The following EPB41L3 variants were observed in gnomAD, a reference collection of about 807,000 sequenced individuals.
The protein encoded by EPB41L3 is erythrocyte membrane protein band 4.1 like 3.
In EPB41L3, 57 loss-of-function variants were observed where a neutral mutation model predicts 127.1. The ratio of observed to expected loss-of-function variants is 0.45; its 90% confidence interval spans 0.36 to 0.56. The LOEUF is 0.56. Among genes scored for constraint, EPB41L3 ranks in the 20% least tolerant of loss-of-function variants. EPB41L3 has a pLI of 0.00. For synonymous variants in EPB41L3, 572 were observed against 549.5 expected (o/e 1.04, Z -0.57); for missense variants, 1,273 against 1,372.2 (o/e 0.93, Z 1.14).
intron 13 of EPB41L3, among the ~76,000 whole-genome samples, chr18:5,414,472 C>T (rs182743117): frequency 6.6e-6 from 1 of 152,236 alleles, no homozygotes; most frequent in East Asian, 1.9e-4. Flanking sequence ...AATATAGATA[C>T]TCGCACACCC....
intron 12 of EPB41L3, among the ~76,000 whole-genome samples, chr18:5,417,012 A>C (rs2076912023): frequency 6.6e-6 from 1 of 151,808 alleles, no homozygotes; most frequent in African/African-American, 2.4e-5. Context: ...TGAATATCTC[A>C]CTCCTCAGAA....
chr18:5,556,745 C>T (rs1056545572), intron 3 of EPB41L3, among the ~76,000 whole-genome samples: 5 of 152,270 alleles, frequency 3.3e-5, no homozygotes, highest in Middle Eastern at 3.4e-3. Flanking sequence ...CCCTCTGCCC[C>T]GCTCCTCCCT....
intron 3 of EPB41L3, among the ~76,000 whole-genome samples, chr18:5,573,836 C>T (rs2094308602): frequency 1.3e-5 from 2 of 151,830 alleles, no homozygotes; most frequent in African/African-American, 2.4e-5. Flanking sequence ...GGTTAGAGAG[C>T]TCAGACGAAG....
chr18:5,619,189 G>A (rs2094832325), intron 1 of EPB41L3, among the ~76,000 whole-genome samples: 1 of 152,074 alleles, frequency 6.6e-6, no homozygotes, highest in African/African-American at 2.4e-5. Flanking sequence ...TGGGGGTTAG[G>A]ATGAAGTTCA....
intron 3 of EPB41L3, among the ~76,000 whole-genome samples, chr18:5,464,587 C>T (rs967414462): frequency 1.3e-5 from 2 of 152,140 alleles, no homozygotes; most frequent in African/African-American, 4.8e-5. Flanking sequence ...TCCTTCCTCC[C>T]AGCTGCTACT....
chr18:5,400,935 T>A, intron 16 of EPB41L3: 1 of 1,411,378 alleles, frequency 7.1e-7, no homozygotes, highest in Non-Finnish European at 9.6e-7. Flanking sequence ...GAAGACCAAT[T>A]TCTTCTGGAA....
chr18:5,497,636 A>T (rs973098573), intron 1 of EPB41L3, among the ~76,000 whole-genome samples: 2 of 152,224 alleles, frequency 1.3e-5, no homozygotes, highest in Non-Finnish European at 2.9e-5. Flanking sequence ...TCTAGACTGG[A>T]TGCTCCATCA....
rs1354000407 is a variant in EPB41L3, at chr18:5,543,300, G to C, written c.-12+613C>G. On this transcript the variant is annotated intron_variant, in intron 1 of 22. Transcript: ENST00000341928. This position sits in a 1 kb window ranked among gnomAD's most constrained non-coding sequence, Gnocchi z 5.2. The stretch of plus-strand genomic sequence containing the variant: ...CCCCCCTGCCCAGCGGGGATGCTTT[G>C]TGCGGAGCGCACCTTATCGGCCCCG... 6.6e-6 allele frequency: 1 copy of C among 150,416 alleles called. No individual in the cohort carries two copies. The highest frequency in any genetic ancestry group is 1.5e-5 in the Non-Finnish European group (1 of 67,486). 9.3% of individuals were successfully genotyped at this position (150,416 alleles called of 1,614,324 possible).
intron 3 of EPB41L3, among the ~76,000 whole-genome samples, chr18:5,558,410 C>T (rs1254509415): frequency 6.6e-6 from 1 of 152,160 alleles, no homozygotes; most frequent in Admixed American, 6.6e-5. Flanking sequence ...TTATGAGACC[C>T]TTTTAAATGG....
At chr18:5,449,975 A>C (rs934852191) in intron 3 of EPB41L3, among the ~76,000 whole-genome samples, 2 of 152,174 alleles carry the variant, frequency 1.3e-5, no homozygotes, top group Non-Finnish European at 2.9e-5. Flanking sequence ...TGTAGTCTCT[A>C]TCTCTCCCTC....
intron 3 of EPB41L3, among the ~76,000 whole-genome samples, chr18:5,451,784 C>A (rs2082306037): frequency 6.6e-6 from 1 of 152,188 alleles, no homozygotes. Flanking sequence ...ATGTCAATGT[C>A]CAGGCCCCTA....
At chr18:5,535,859 T>C (rs2093557054) in intron 1 of EPB41L3, among the ~76,000 whole-genome samples, 1 of 152,200 alleles carries the variant, frequency 6.6e-6, no homozygotes, top group Non-Finnish European at 1.5e-5. Flanking sequence ...TACCATTCTG[T>C]TGTTGAGGAC....
In EPB41L3 at chr18:5,397,417, T is replaced by C. The variant is rs770256281; in HGVS notation, c.2482A>G (p.Thr828Ala). The C allele has an allele frequency of 4.2e-5, 68 of 1,606,016 alleles. No homozygotes were observed. Among genetic ancestry groups the C allele is most frequent in the Admixed American group, 2.7e-4 (16 of 59,276 alleles). ...TCTATTCCACTGGACTCCGTCTTGG[T>C]TTCCATTTTCTGCATGGGAAGAGAT... ...TSQSWVQKMETKTESSGIETE... is the reference protein window; with the variant it reads ...TSQSWVQKMEAKTESSGIETE... Residue 828 changes from threonine (T) to alanine (A), a missense_variant, in exon 18 of 23, where the codon ACC becomes GCC. This residue lies in a region of EPB41L3 where 765 missense variants were observed against 782.9 expected (regional missense o/e 0.98). Coordinates refer to ENST00000341928, the MANE Select transcript of EPB41L3 (RefSeq NM_012307.5). The surrounding 1 kb of genome is among the most constrained non-coding windows in gnomAD (Gnocchi z 4.1).
rs1213971354 is a variant in EPB41L3, at chr18:5,397,798, T to C, written c.2472+223A>G. ...TTAGATATTTAATTCTATTAAAATT[T>C]CTCAATATGATCGCCTTTCGAATAG... On this transcript the variant is annotated intron_variant, in intron 17 of 22. Transcript: ENST00000341928. This position sits in a 1 kb window ranked among gnomAD's most constrained non-coding sequence, Gnocchi z 4.1. Among the ~76,000 whole-genome samples, 1 of 152,214 alleles carries C rather than the reference T, an allele frequency of 6.6e-6. No individual in the cohort carries two copies. Among genetic ancestry groups the C allele is most frequent in the Non-Finnish European group, 1.5e-5 (1 of 68,048 alleles).
chr18:5,505,705 C>A (rs1568447521), intron 1 of EPB41L3, among the ~76,000 whole-genome samples: 1 of 137,996 alleles, frequency 7.2e-6, no homozygotes, highest in Non-Finnish European at 1.6e-5. Context: ...CACCCCTTCC[C>A]TCCACACCTT....
intron 3 of EPB41L3, among the ~76,000 whole-genome samples, chr18:5,556,564 C>G (rs2094038561): frequency 1.3e-5 from 2 of 152,184 alleles, no homozygotes; most frequent in Non-Finnish European, 2.9e-5. Context: ...CATTTGCTCC[C>G]TGGATGCCAG....
chr18:5,429,951 G>C (rs4798357), intron 8 of EPB41L3, among the ~76,000 whole-genome samples: 28,818 of 152,086 alleles, frequency 0.19, 3,042 homozygotes, highest in East Asian at 0.42. Flanking sequence ...GTGCAGGAAC[G>C]AGGACGCACT....
intron 1 of EPB41L3, among the ~76,000 whole-genome samples, chr18:5,527,763 T>C (rs926635520): frequency 6.6e-6 from 1 of 152,190 alleles, no homozygotes; most frequent in Non-Finnish European, 1.5e-5. Context: ...AGGAAGAATG[T>C]TCCAGGCCGA....
At chr18:5,393,690 T>G (rs1259619081) in intron 22 of EPB41L3, 9 of 450,028 alleles carry the variant, frequency 2.0e-5, no homozygotes, top group Non-Finnish European at 3.5e-5. Context: ...GAAATCTGTT[T>G]TATTTTTTTT....
Sources: gnomAD v4.1 joint callset for allele counts (sites outside exome capture counted in the v4.1 genomes callset) on GRCh38, gnomAD v4.1.1 for gene constraint, gnomAD v4.1.1 regional missense constraint, Gnocchi (gnomAD v3.1) non-coding constraint, MANE v1.5 for transcripts, NCBI Gene and HGNC (gene_info 2026-07-23, HGNC 2026-07-21) for gene names.